The following MMUT variants were observed in gnomAD, a reference collection of about 807,000 sequenced individuals.
The protein encoded by MMUT is methylmalonyl-CoA mutase, also known as methylmalonyl-CoA mutase, mitochondrial.
A neutral mutation model predicts 79.9 loss-of-function variants in MMUT; 79 were observed. That is an observed-to-expected ratio of 0.99 (90% CI 0.82 to 1.19). MMUT has a LOEUF of 1.19. MMUT is among the 50% of genes most tolerant of loss of function. The pLI is 0.00. For missense variants in MMUT, 860 were observed against 917.2 expected (o/e 0.94, Z 0.81); for synonymous variants, 273 against 295.7 (o/e 0.92, Z 0.79).
At chr6:49,435,339 G>C (rs1335090408) in intron 12 of MMUT, 117 bp downstream of exon 12, 7 of 1,076,470 alleles carry the variant, frequency 6.5e-6, no homozygotes, top group Non-Finnish European at 9.7e-6. Flanking sequence ...TTTATTTAGT[G>C]AAATCACCAG....
rs193170922 is a variant in MMUT at position 49,439,908 on chromosome 6, C to A, written c.1956+298G>T. Among the ~76,000 whole-genome samples the A allele has an allele frequency of 7.4e-4, 112 of 152,256 alleles. 1 individual carries two copies. Among genetic ancestry groups the A allele is most frequent in the Non-Finnish European group, 1.4e-3 (95 of 68,028 alleles). On this transcript the variant is annotated intron_variant, in intron 11 of 12. Coordinates refer to ENST00000274813, the MANE Select transcript of MMUT (RefSeq NM_000255.4). ...ATTAATGGACCAGTGTGATATCTTG[C>A]AGAAGTGAAAAGTGATCAAGGTCTC...
rs779749269 is a variant in MMUT, at chr6:49,457,995, T to C, written c.449A>G (p.Asn150Ser). ...LATHRGYDSD[N>S]PRVRGDVGMA... is the part of the protein sequence containing the mutation. ...TCCAACATCACCACGAACTCGAGGG[T>C]TGTCTGAATCATAGCCACGATGTGT... Residue 150 changes from asparagine (N) to serine (S), a missense_variant, in exon 3 of 13, where the codon AAC becomes AGC. Transcript: ENST00000274813. The C allele has an allele frequency of 6.2e-7, 1 of 1,606,146 alleles. No homozygotes were observed. The highest frequency in any genetic ancestry group is 1.3e-5 in the African/African-American group (1 of 74,912).
intron 2 of MMUT, among the ~76,000 whole-genome samples, chr6:49,458,403 T>C (rs1050234484): frequency 2.0e-5 from 3 of 152,234 alleles, no homozygotes; most frequent in Non-Finnish European, 2.9e-5. Flanking sequence ...TGTTCATATA[T>C]GGCAAAAATA....
chr6:49,441,750 G>C (rs1767280648), intron 10 of MMUT, 90 bp downstream of exon 10: 1 of 1,324,250 alleles, frequency 7.6e-7, no homozygotes, highest in Non-Finnish European at 1.0e-6. Flanking sequence ...TTTCTCAGTT[G>C]TATGTAAGGA....
intron 9 of MMUT, 109 bp downstream of exon 9, chr6:49,444,530 T>C (rs1767358661): frequency 1.2e-6 from 1 of 852,850 alleles, no homozygotes; most frequent in African/African-American, 1.7e-5. Flanking sequence ...CATTATTTTC[T>C]TTTGGGCTCA....
Position 49,453,565 on chromosome 6 carries a change from A to G in MMUT, c.1083+20T>C, listed in dbSNP as rs200148994. The G allele has an allele frequency of 7.2e-4, 1,053 of 1,465,234 alleles. 10 individuals are homozygous for G. The African/African-American group carries it at 0.013, about 18-fold the overall frequency. The allele number at this position is 1,465,234 out of a possible 1,614,324, so 90.8% of individuals were successfully genotyped here. A position where few individuals can be genotyped will look rare whatever the true frequency, so the allele number is the denominator to read the frequency against. Reference sequence around the variant, plus strand: ...ATATATAACTTTATTAAAATTCTACATTTTAAATTATATACATACCTGCTC... The same window carrying G: ...ATATATAACTTTATTAAAATTCTACGTTTTAAATTATATACATACCTGCTC... On this transcript the variant is annotated intron_variant, in intron 5 of 12. Transcript: ENST00000274813.
At chr6:49,436,656 T>A (rs1344464264) in intron 11 of MMUT, among the ~76,000 whole-genome samples, 1 of 151,516 alleles carries the variant, frequency 6.6e-6, no homozygotes, top group Non-Finnish European at 1.5e-5. Flanking sequence ...GTAGCACTAT[T>A]CACCACAGCA....
Position 49,444,750 on chromosome 6 carries a change from T to C in MMUT, c.1565A>G (p.Lys522Arg), listed in dbSNP as rs144665233. The C allele has an allele frequency of 7.0e-5, 113 of 1,611,382 alleles. No homozygotes were observed. Among genetic ancestry groups the C allele is most frequent in the Middle Eastern group, 3.3e-4 (2 of 6,070 alleles). ...NRQIEKLKKI[K>R]SSRDQALAER... The stretch of plus-strand genomic sequence containing the variant: ...AGCCAAAGCTTGATCCCTGCTGGAT[T>C]TGATCTATGGAAAAAGTCAAGGAAA... Residue 522 changes from lysine (K) to arginine (R), a missense_variant, in exon 9 of 13, where the codon AAA becomes AGA. Lys to Arg is a conservative substitution (Grantham distance 26, BLOSUM62 2). Transcript: ENST00000274813.
intron 9 of MMUT, among the ~76,000 whole-genome samples, chr6:49,443,974 C>G (rs1270750380): frequency 6.6e-6 from 1 of 152,008 alleles, no homozygotes; most frequent in Non-Finnish European, 1.5e-5. Context: ...GTAGAGAATT[C>G]AAGATAAGGA....
In MMUT at chr6:49,447,662, A is replaced by C; in HGVS notation, c.1560+8T>G. On this transcript the variant is annotated splice_region_variant and intron_variant, in intron 8 of 12. Transcript: ENST00000274813. ...TTAAAAAAAAAAAAAAAAGCAAGCT[A>C]TTAATACCTTCTTAAGTTTTTCAAT... is the stretch of plus-strand genomic sequence containing the variant. 6.6e-7 allele frequency: 1 copy of C among 1,518,150 alleles called. No individual in the cohort carries two copies. The highest frequency in any genetic ancestry group is 9.1e-7 in the Non-Finnish European group (1 of 1,096,776). The allele number at this position is 1,518,150 out of a possible 1,614,324, so 94.0% of individuals were successfully genotyped here.
chr6:49,460,404 G>A (rs140510023), intron 1 of MMUT, among the ~76,000 whole-genome samples: 1 of 152,234 alleles, frequency 6.6e-6, no homozygotes, highest in African/African-American at 2.4e-5. Context: ...GAACCCATAA[G>A]GTGAGCTAAA....
In MMUT at chr6:49,431,489, A is replaced by AC; in HGVS notation, c.*238_*239insG. ...AATACCATTGTCCAGAGTTCTTGAT[A>AC]AAGTATTGTTATAGAGAGTATAGAG... On this transcript the variant is annotated 3_prime_UTR_variant, in exon 13 of 13. Transcript: ENST00000274813. 3.4e-6 allele frequency: 1 copy of AC among 294,406 alleles called. No homozygotes were observed. Among genetic ancestry groups the AC allele is most frequent in the South Asian group, 5.7e-5 (1 of 17,546 alleles). 18.2% of individuals were successfully genotyped at this position (294,406 alleles called of 1,614,324 possible). A position where few individuals can be genotyped will look rare whatever the true frequency, so the allele number is the denominator to read the frequency against.
At chr6:49,432,590 C>T (rs996508194) in intron 12 of MMUT, among the ~76,000 whole-genome samples, 6 of 152,118 alleles carry the variant, frequency 3.9e-5, no homozygotes, top group East Asian at 1.9e-4. Flanking sequence ...GGTTTCACCA[C>T]GTTAGCCAGG....
intron 12 of MMUT, among the ~76,000 whole-genome samples, chr6:49,432,429 C>T (rs1005473854): frequency 2.0e-5 from 3 of 151,680 alleles, no homozygotes; most frequent in Non-Finnish European, 4.4e-5. Context: ...GCTCTGTTGC[C>T]CAGACTGGAG....
At chr6:49,460,502 T>C (rs546116290) in intron 1 of MMUT, among the ~76,000 whole-genome samples, 1 of 152,340 alleles carries the variant, frequency 6.6e-6, no homozygotes, top group African/African-American at 2.4e-5. Flanking sequence ...CATAGACTTT[T>C]ATACTAGGTT....
At chr6:49,452,426 G>A (rs142031291) in intron 5 of MMUT, among the ~76,000 whole-genome samples, 2,814 of 152,082 alleles carry the variant, frequency 0.019, 93 homozygotes, top group African/African-American at 0.064. Flanking sequence ...TCTGCCTCCC[G>A]GGTTCACTCC....
chr6:49,455,984 C>T (rs997096503), intron 4 of MMUT, 96 bp downstream of exon 4: 2 of 1,082,254 alleles, frequency 1.8e-6, no homozygotes, highest in African/African-American at 1.6e-5. Flanking sequence ...CTAAATCTAG[C>T]CTGACATTTA....
intron 4 of MMUT, among the ~76,000 whole-genome samples, chr6:49,454,330 C>G (rs112069839): frequency 6.6e-6 from 1 of 152,126 alleles, no homozygotes; most frequent in Non-Finnish European, 1.5e-5. Flanking sequence ...TTTTTTGAGA[C>G]AGAGTCTTGT....
intron 4 of MMUT, among the ~76,000 whole-genome samples, chr6:49,455,778 T>C (rs1251075669): frequency 6.6e-6 from 1 of 152,136 alleles, no homozygotes; most frequent in Non-Finnish European, 1.5e-5. Context: ...ATGGAAAAAT[T>C]AGAAAAAACT....
Sources: allele counts gnomAD v4.1 joint callset (sites outside exome capture counted in the v4.1 genomes callset), GRCh38; gene constraint gnomAD v4.1.1; transcripts MANE v1.5; gene names NCBI Gene and HGNC (gene_info 2026-07-23, HGNC 2026-07-21).